MYO5B: variants seen among roughly 807,000 people sequenced by gnomAD.
MYO5B encodes the protein myosin VB, also known as unconventional myosin-Vb.
A neutral mutation model predicts 229.3 loss-of-function variants in MYO5B; 143 were observed. The ratio of observed to expected loss-of-function variants is 0.62; its 90% CI spans 0.54 to 0.72. The LOEUF (loss-of-function observed/expected upper bound fraction) is 0.72. Ranked by LOEUF, MYO5B falls within the 30% of genes least tolerant of loss-of-function variation. The pLI, the probability that MYO5B is intolerant of heterozygous loss-of-function variation, is 0.00. For missense variants in MYO5B, 2,321 were observed against 2,331.0 expected (o/e 1.00, Z 0.09); for synonymous variants, 918 against 885.2 (o/e 1.04, Z -0.66).
In MYO5B at chr18:49,895,143, A is replaced by T; in HGVS notation, c.2843T>A (p.Leu948Ter). The change falls in exon 22 of 40, where the codon TTG (leucine) becomes TAG (stop). Residue 948 changes from leucine (L) to a stop codon, truncating the protein, a stop_gained. Coordinates refer to ENST00000285039, the MANE Select transcript of MYO5B (RefSeq NM_001080467.3). LOFTEE classifies it high-confidence loss of function. The part of the protein sequence containing the change: ...NKEFKTLSEQ[L>*]SVTTSTYTME... ...GGTGTATGTTGAGGTGGTCACGGAC[A>T]ACTGCTCTGAAAGTGTCTTGAACTC... 1 of 1,613,990 alleles carries T rather than the reference A, an allele frequency of 6.2e-7. No individual in the cohort carries two copies. Among genetic ancestry groups the T allele is most frequent in the South Asian group, 1.1e-5 (1 of 91,078 alleles).
intron 4 of MYO5B, among the ~76,000 whole-genome samples, chr18:50,024,659 A>C (rs1224798658): frequency 2.0e-5 from 3 of 152,178 alleles, no homozygotes; most frequent in Non-Finnish European, 4.4e-5. Context: ...GGAGCCAGGA[A>C]GGTTCAAAGG....
chr18:50,171,176 C>T lies in MYO5B; in HGVS notation c.27+23591G>A, dbSNP rs144821786. 8.7e-3 allele frequency among the ~76,000 whole-genome samples: 1,112 copies of T among 127,958 alleles called. 284 individuals are homozygous for T. The highest frequency in any genetic ancestry group is 0.032 in the African/African-American group (1,071 of 33,872). 83.9% of individuals were successfully genotyped at this position (127,958 alleles called of 152,430 possible). ...ATAAGACAGTGCTGGGCACTTGGCA[C>T]GATCTTCACCCTCACAGATAAGTTG... On this transcript the variant is annotated intron_variant, in intron 1 of 39. Coordinates refer to ENST00000285039, the MANE Select transcript of MYO5B (RefSeq NM_001080467.3).
At chr18:49,995,177 C>T (rs967240807) in intron 5 of MYO5B, among the ~76,000 whole-genome samples, 1 of 152,266 alleles carries the variant, frequency 6.6e-6, no homozygotes, top group East Asian at 1.9e-4. Flanking sequence ...AAAGCCACCA[C>T]ACATGTGGGC....
chr18:49,895,126 T>C lies in MYO5B; in HGVS notation c.2860A>G (p.Thr954Ala), dbSNP rs961812027. The C allele has an allele frequency of 5.0e-6, 8 of 1,614,054 alleles. No individual in the cohort carries two copies. The highest frequency in any genetic ancestry group is 5.1e-6 in the Non-Finnish European group (6 of 1,180,044). ...LSEQLSVTTSTYTMEVERLKK... is the reference protein window; with the variant it reads ...LSEQLSVTTSAYTMEVERLKK... Reference sequence around the variant, plus strand: ...AGCCGCTCTACCTCCATGGTGTATGTTGAGGTGGTCACGGACAACTGCTCT... The same window carrying C: ...AGCCGCTCTACCTCCATGGTGTATGCTGAGGTGGTCACGGACAACTGCTCT... Residue 954 changes from threonine to alanine, a missense_variant, in exon 22 of 40, where the codon ACA (threonine) becomes GCA (alanine). Physicochemically the swap from Thr to Ala is moderately conservative, Grantham distance 58. Transcript: ENST00000285039.
intron 10 of MYO5B, among the ~76,000 whole-genome samples, chr18:49,973,919 T>A (rs930813307): frequency 1.3e-5 from 2 of 152,074 alleles, no homozygotes; most frequent in Non-Finnish European, 2.9e-5. Context: ...AATAGCCACC[T>A]TGACTGTTAC....
intron 1 of MYO5B, among the ~76,000 whole-genome samples, chr18:50,138,059 T>C (rs923645873): frequency 6.6e-6 from 1 of 152,244 alleles, no homozygotes; most frequent in Middle Eastern, 3.4e-3. Context: ...GATGAAATAA[T>C]TTGTACAATA....
chr18:50,191,505 C>T (rs1324469615), intron 1 of MYO5B, among the ~76,000 whole-genome samples: 1 of 152,170 alleles, frequency 6.6e-6, no homozygotes, highest in Non-Finnish European at 1.5e-5. Flanking sequence ...GTTCAGACTC[C>T]CACTACTTCA....
At chr18:49,945,746 GGGAGGAGGGGAGGAGGA>G (rs1353871352) in intron 14 of MYO5B, among the ~76,000 whole-genome samples, 2 of 68,902 alleles carry the variant, frequency 2.9e-5, no homozygotes, top group Non-Finnish European at 6.2e-5. Flanking sequence ...GCTGGTGGAG[GGGAGGAGGGGAGGAGGA>G]GGAGGAGGAG....
chr18:50,031,996 C>T (rs868699841), intron 4 of MYO5B, among the ~76,000 whole-genome samples: 6 of 152,182 alleles, frequency 3.9e-5, no homozygotes, highest in South Asian at 2.1e-4. Context: ...TTCCCAAACT[C>T]GTTTGGCCAA....
At chr18:49,911,456 T>C (rs767020596) in intron 18 of MYO5B, among the ~76,000 whole-genome samples, 8 of 152,090 alleles carry the variant, frequency 5.3e-5, no homozygotes, top group Non-Finnish European at 1.0e-4. Context: ...CAAATGAAAA[T>C]AGTAATAAAG....
Position 50,123,413 on chromosome 18 carries a change from A to G in MYO5B, c.28-68035T>C, listed in dbSNP as rs115321826. ...CTGTACACTTTAAATGGGTAATTGT[A>G]TATTATGTGAATTTCACTTCAATTT... is the stretch of plus-strand genomic sequence containing the variant. On this transcript the variant is annotated intron_variant, in intron 1 of 39. Coordinates refer to ENST00000285039, the MANE Select transcript of MYO5B (RefSeq NM_001080467.3). Among the ~76,000 whole-genome samples the G allele has an allele frequency of 9.7e-3, 1,483 of 152,290 alleles. 15 individuals are homozygous for G. Among genetic ancestry groups the G allele is most frequent in the Non-Finnish European group, 0.014 (977 of 68,032 alleles).
chr18:50,099,766 C>T (rs9949017), intron 1 of MYO5B, among the ~76,000 whole-genome samples: 8,266 of 152,246 alleles, frequency 0.054, 253 homozygotes, highest in African/African-American at 0.082. Context: ...GAGAAATACA[C>T]GGTATCTTGT....
At chr18:49,837,182 A>G (rs563758064) in intron 37 of MYO5B, among the ~76,000 whole-genome samples, 42 of 152,380 alleles carry the variant, frequency 2.8e-4, no homozygotes, top group African/African-American at 1.0e-3. Flanking sequence ...TTTAACATTC[A>G]CAAATGTATT....
intron 14 of MYO5B, among the ~76,000 whole-genome samples, chr18:49,940,887 G>A (rs939487029): frequency 3.3e-5 from 5 of 152,112 alleles, no homozygotes; most frequent in African/African-American, 2.4e-5. Context: ...TGAAAATTAT[G>A]GGCTAATCTT....
At chr18:49,979,396 A>T (rs2025790281) in intron 9 of MYO5B, among the ~76,000 whole-genome samples, 1 of 151,926 alleles carries the variant, frequency 6.6e-6, no homozygotes, top group African/African-American at 2.4e-5. Flanking sequence ...GCCCTCTCAA[A>T]CCCTAGATCA....
At chr18:50,107,861 G>A (rs1288465007) in intron 1 of MYO5B, among the ~76,000 whole-genome samples, 1 of 152,138 alleles carries the variant, frequency 6.6e-6, no homozygotes, top group African/African-American at 2.4e-5. Context: ...ACCACACCCT[G>A]AAGTCCCCAA....
intron 36 of MYO5B, 109 bp downstream of exon 36, chr18:49,839,035 A>G: frequency 7.3e-7 from 1 of 1,378,570 alleles, no homozygotes; most frequent in South Asian, 1.2e-5. Flanking sequence ...GGCTTTCTGG[A>G]GGTCATGGCT....
At position 49,954,340 on chromosome 18, in the gene MYO5B, G is replaced by A; in HGVS notation, c.1641C>T (p.Ala547=). 6.2e-7 allele frequency: 1 copy of A among 1,614,054 alleles called. No individual in the cohort carries two copies. Among genetic ancestry groups the A allele is most frequent in the Non-Finnish European group, 8.5e-7 (1 of 1,179,966 alleles). Residue 547 remains alanine, a synonymous_variant, in exon 13 of 40, where the codon GCC becomes GCT. Coordinates refer to ENST00000285039, the MANE Select transcript of MYO5B (RefSeq NM_001080467.3). ...TGTCTGCAAAGTGGACGATGATGAA[G>A]GCCGTGTTGGACATGCGGGGCTTCT... The part of the protein sequence containing the change: ...HFQKPRMSNT[A]FIIVHFADKV...
intron 1 of MYO5B, among the ~76,000 whole-genome samples, chr18:50,079,944 C>CA (rs1206710322): frequency 6.6e-5 from 10 of 152,180 alleles, no homozygotes; most frequent in Admixed American, 5.9e-4. Flanking sequence ...CCTGAGATGA[C>CA]AAGTATGGGG....
Sources: allele counts gnomAD v4.1 joint callset (sites outside exome capture counted in the v4.1 genomes callset), GRCh38; gene constraint gnomAD v4.1.1; transcripts MANE v1.5; gene names NCBI Gene and HGNC (gene_info 2026-07-23, HGNC 2026-07-21).